MTMR7: variants seen among roughly 807,000 people sequenced by gnomAD.
MTMR7 encodes the protein myotubularin related protein 7.
In MTMR7, 76 loss-of-function variants were observed where a neutral mutation model predicts 81.2. The ratio of observed to expected loss-of-function variants is 0.94; its 90% confidence interval spans 0.78 to 1.13. The LOEUF is 1.13. Among genes scored for constraint, MTMR7 ranks in the 50% most tolerant of loss-of-function variants. MTMR7 has a pLI of 0.00. For missense variants in MTMR7, 1,044 were observed against 820.0 expected, an observed-to-expected ratio of 1.27 and a Z score of -3.34; for synonymous variants, 372 against 289.8, an observed-to-expected ratio of 1.28 and a Z score of -2.88.
At chr8:17,347,495 C>G (rs1430897697) in intron 5 of MTMR7, among the ~76,000 whole-genome samples, 1 of 152,108 alleles carries the variant, frequency 6.6e-6, no homozygotes, top group African/African-American at 2.4e-5. Flanking sequence ...CCTGCTCTAC[C>G]CCCCGGCTGT....
At chr8:17,393,438 C>G (rs561969413) in intron 1 of MTMR7, among the ~76,000 whole-genome samples, 1 of 152,032 alleles carries the variant, frequency 6.6e-6, no homozygotes, top group African/African-American at 2.4e-5. Flanking sequence ...AGAAAGACAC[C>G]TTACAGAATG....
intron 1 of MTMR7, among the ~76,000 whole-genome samples, chr8:17,411,102 C>T (rs1179548920): frequency 6.6e-6 from 1 of 152,130 alleles, no homozygotes; most frequent in Non-Finnish European, 1.5e-5. Flanking sequence ...TTCATTTAGA[C>T]TGTGAAAATT....
intron 3 of MTMR7, among the ~76,000 whole-genome samples, chr8:17,361,907 T>C (rs539472209): frequency 3.5e-4 from 53 of 152,348 alleles, no homozygotes; most frequent in African/African-American, 1.2e-3. Flanking sequence ...GGGATGCGAA[T>C]TGAAGGCTGC....
chr8:17,365,684 A>C (rs1820204906), intron 3 of MTMR7, among the ~76,000 whole-genome samples: 1 of 152,244 alleles, frequency 6.6e-6, no homozygotes, highest in Non-Finnish European at 1.5e-5. Flanking sequence ...CTGTGGGAGT[A>C]AACTGAATGT....
chr8:17,387,038 C>T (rs916572201), intron 1 of MTMR7, among the ~76,000 whole-genome samples: 8 of 152,296 alleles, frequency 5.3e-5, no homozygotes, highest in Admixed American at 2.6e-4. Flanking sequence ...TGCTGCTAAC[C>T]GGGCCTTCCA....
chr8:17,327,198 G>A (rs1818726861), intron 7 of MTMR7, among the ~76,000 whole-genome samples: 1 of 152,174 alleles, frequency 6.6e-6, no homozygotes, highest in African/African-American at 2.4e-5. Flanking sequence ...GTCTACTACT[G>A]TTAGACATTC....
intron 5 of MTMR7, among the ~76,000 whole-genome samples, chr8:17,343,381 G>C (rs10102710): frequency 0.042 from 6,409 of 152,016 alleles, 458 homozygotes; most frequent in African/African-American, 0.15. Flanking sequence ...AGTGCACTGA[G>C]ATTACACCAC....
intron 1 of MTMR7, among the ~76,000 whole-genome samples, chr8:17,395,107 T>G (rs1293147920): frequency 6.6e-6 from 1 of 151,958 alleles, no homozygotes; most frequent in Non-Finnish European, 1.5e-5. Flanking sequence ...CCTCATAACT[T>G]TTATTTTACT....
chr8:17,330,436 G>T (rs1212740994), intron 7 of MTMR7, among the ~76,000 whole-genome samples: 4 of 152,240 alleles, frequency 2.6e-5, no homozygotes, highest in African/African-American at 9.6e-5. Context: ...GTAGACTACA[G>T]CGACAGATTC....
intron 1 of MTMR7, among the ~76,000 whole-genome samples, chr8:17,397,090 G>C (rs955201128): frequency 1.3e-5 from 2 of 151,972 alleles, no homozygotes; most frequent in Non-Finnish European, 2.9e-5. Flanking sequence ...AGTACACAGT[G>C]GGCCTTGGGT....
chr8:17,401,359 G>A lies in MTMR7; in HGVS notation c.24+11910C>T, dbSNP rs138914786. Among the ~76,000 whole-genome samples the A allele has an allele frequency of 4.6e-5, 7 of 152,236 alleles. No homozygotes were observed. The East Asian group carries it at 1.4e-3, about 29-fold the overall frequency. On this transcript the variant is annotated intron_variant, in intron 1 of 13. Transcript: ENST00000180173. ...CGTGCAAAGGTGTTGAAAAAGGAGT[G>A]TGCCTGGGTATCCAGGGAGTAGTGG...
At chr8:17,403,976 TC>T (rs1333407519) in intron 1 of MTMR7, among the ~76,000 whole-genome samples, 3 of 152,100 alleles carry the variant, frequency 2.0e-5, no homozygotes, top group Non-Finnish European at 4.4e-5. Flanking sequence ...TTTGGTGGAG[TC>T]TTTAGGTTTT....
chr8:17,318,706 G>C (rs867396242), intron 7 of MTMR7, among the ~76,000 whole-genome samples: 11 of 152,118 alleles, frequency 7.2e-5, no homozygotes, highest in African/African-American at 2.4e-4. Context: ...TGTTTGGAAG[G>C]TGACGTGAAG....
intron 6 of MTMR7, chr8:17,338,866 G>A (rs1008442057): frequency 6.6e-6 from 1 of 152,044 alleles, no homozygotes; most frequent in Non-Finnish European, 1.5e-5. Flanking sequence ...CTGATCTCCA[G>A]GACTGATTCG....
intron 5 of MTMR7, among the ~76,000 whole-genome samples, 180 bp from the exon 6 acceptor site, chr8:17,341,677 T>A (rs1320502463): frequency 6.6e-6 from 1 of 152,168 alleles, no homozygotes; most frequent in Non-Finnish European, 1.5e-5. Flanking sequence ...GTCAAACCAC[T>A]AATGGGCAAG....
chr8:17,328,278 A>T (rs2150524469), intron 7 of MTMR7, among the ~76,000 whole-genome samples: 1 of 152,272 alleles, frequency 6.6e-6, no homozygotes, highest in East Asian at 1.9e-4. Flanking sequence ...AGATGCAAGT[A>T]ACTCCATACA....
At chr8:17,339,701 C>A (rs889288811) in intron 6 of MTMR7, among the ~76,000 whole-genome samples, 5 of 152,136 alleles carry the variant, frequency 3.3e-5, no homozygotes, top group Non-Finnish European at 7.4e-5. Context: ...TAATAATGAA[C>A]AAATATTCAC....
At chr8:17,410,398 G>C (rs556976601) in intron 1 of MTMR7, among the ~76,000 whole-genome samples, 1 of 150,428 alleles carries the variant, frequency 6.6e-6, no homozygotes, top group Non-Finnish European at 1.5e-5. Flanking sequence ...ACTTCCAGGA[G>C]CCCTGAAGTC....
intron 7 of MTMR7, among the ~76,000 whole-genome samples, chr8:17,329,084 C>T (rs905382957): frequency 6.6e-6 from 1 of 152,158 alleles, no homozygotes; most frequent in East Asian, 1.9e-4. Context: ...CTGATTATAT[C>T]CATAACAGTA....
Sources: allele counts gnomAD v4.1 joint callset (sites outside exome capture counted in the v4.1 genomes callset), GRCh38; gene constraint gnomAD v4.1.1; transcripts MANE v1.5; gene names NCBI Gene and HGNC (gene_info 2026-07-23, HGNC 2026-07-21).